The following CAMSAP1 variants were observed in gnomAD, a reference collection of about 807,000 sequenced individuals.
CAMSAP1 encodes calmodulin regulated spectrin associated protein 1.
In CAMSAP1, 58 loss-of-function variants were observed where a neutral mutation model predicts 143.5. The ratio of observed to expected loss-of-function variants is 0.40; its 90% confidence interval spans 0.33 to 0.50. The LOEUF (loss-of-function observed/expected upper bound fraction) is 0.50, where lower values mean the gene tolerates loss of function less well. Ranked by LOEUF, CAMSAP1 falls within the 20% of genes least tolerant of loss-of-function variation. The probability of loss-of-function intolerance (pLI) is 0.45; values close to 1 mark genes in which losing one functional copy is unlikely to be tolerated. For synonymous variants in CAMSAP1, 945 were observed against 859.3 expected, an observed-to-expected ratio of 1.10 and a Z score of -1.74; for missense variants, 1,969 against 2,115.7, an observed-to-expected ratio of 0.93 and a Z score of 1.36.
At chr9:135,878,787 T>C (rs1345648011) in intron 3 of CAMSAP1, among the ~76,000 whole-genome samples, 1 of 152,142 alleles carries the variant, frequency 6.6e-6, no homozygotes, top group Non-Finnish European at 1.5e-5. Context: ...CGGTATCGCA[T>C]CCTGCAGTGA....
chr9:135,822,145 T>C lies in CAMSAP1; in HGVS notation c.2516A>G (p.Lys839Arg). The change falls in exon 11 of 17, where the codon AAG (lysine) becomes AGG (arginine). Residue 839 changes from lysine (K) to arginine (R), a missense_variant. Coordinates refer to ENST00000389532, the MANE Select transcript of CAMSAP1 (RefSeq NM_015447.4). The surrounding 1 kb of genome is among the most constrained non-coding windows in gnomAD (Gnocchi z 6.1). ...GCTCTCAGACGCATCTGGCGTGGTC[T>C]TCTGGGAGCTGCTGGTGCTGGACTT... Reference protein sequence around the residue: ...ETKSSTSSSQKTTPDASESCP... With the variant: ...ETKSSTSSSQRTTPDASESCP... 1 of 1,613,408 alleles carries C rather than the reference T, an allele frequency of 6.2e-7. No individual in the cohort carries two copies. Among genetic ancestry groups the C allele is most frequent in the Non-Finnish European group, 8.5e-7 (1 of 1,179,878 alleles).
intron 1 of CAMSAP1, among the ~76,000 whole-genome samples, chr9:135,886,401 TGGA>T (rs1449950360): frequency 2.6e-4 from 39 of 151,870 alleles, no homozygotes. Context: ...GATGTGCAGG[TGGA>T]GAAGTTTCTT....
At chr9:135,886,487 T>A (rs1349984143) in intron 1 of CAMSAP1, among the ~76,000 whole-genome samples, 1 of 152,122 alleles carries the variant, frequency 6.6e-6, no homozygotes, top group African/African-American at 2.4e-5. Flanking sequence ...GTTAAGAGAA[T>A]TTCAGCAAGT....
chr9:135,818,886 G>A lies in CAMSAP1; in HGVS notation c.3959+124C>T, dbSNP rs919428133. ...AAGTTCGGGGAGGTGGTCCATGGGA[G>A]GAGTAAGACCGTCACAGGCACTCAT... is the stretch of plus-strand genomic sequence containing the variant. On this transcript the variant is annotated intron_variant, in intron 12 of 16. Transcript: ENST00000389532. The surrounding 1 kb of genome is among the most constrained non-coding windows in gnomAD (Gnocchi z 7.7). 50 of 1,413,312 alleles carry A rather than the reference G, an allele frequency of 3.5e-5. 1 individual carries two copies. Among genetic ancestry groups the A allele is most frequent in the South Asian group, 5.2e-5 (4 of 76,782 alleles). 87.5% of individuals were successfully genotyped at this position (1,413,312 alleles called of 1,614,324 possible).
chr9:135,829,793 C>T (rs1162428865), intron 7 of CAMSAP1, among the ~76,000 whole-genome samples: 1 of 151,944 alleles, frequency 6.6e-6, no homozygotes, highest in Non-Finnish European at 1.5e-5. Context: ...GCGGAGGTTG[C>T]AGCGAGCTGA....
rs1370627171 is a variant in CAMSAP1, at chr9:135,882,495, TG to T, written c.423+320del. Among the ~76,000 whole-genome samples, 7 of 152,188 alleles carry T rather than the reference TG, an allele frequency of 4.6e-5. No homozygotes were observed. Among genetic ancestry groups the T allele is most frequent in the African/African-American group, 1.7e-4 (7 of 41,454 alleles). ...GTATGCATGAAACAACCTAACAGAA[TG>T]GGTGCAACAATTACATTTCTCATCT... is the stretch of plus-strand genomic sequence containing the variant. On this transcript the variant is annotated intron_variant, in intron 2 of 16. Coordinates refer to ENST00000389532, the MANE Select transcript of CAMSAP1 (RefSeq NM_015447.4). The surrounding 1 kb of genome is among the most constrained non-coding windows in gnomAD (Gnocchi z 4.9).
At chr9:135,904,378 G>A (rs981733193) in intron 1 of CAMSAP1, among the ~76,000 whole-genome samples, 29 of 132,384 alleles carry the variant, frequency 2.2e-4, no homozygotes, top group African/African-American at 6.9e-4. Context: ...CAGCCTGGCC[G>A]ACAGAGCGAG....
At position 135,818,307 on chromosome 9, in the gene CAMSAP1, C is replaced by G; in HGVS notation, c.4168+101G>C. ...GGGATAATCATCTCCACCCTTCCCG[C>G]CTCACACCACTCTTGATGACAAAAT... On this transcript the variant is annotated intron_variant, in intron 13 of 16. Transcript: ENST00000389532. This position sits in a 1 kb window ranked among gnomAD's most constrained non-coding sequence, Gnocchi z 7.7. 1 of 1,312,186 alleles carries G rather than the reference C, an allele frequency of 7.6e-7. No homozygotes were observed. Among genetic ancestry groups the G allele is most frequent in the South Asian group, 1.4e-5 (1 of 70,082 alleles). The allele number at this position is 1,312,186 out of a possible 1,614,324, so 81.3% of individuals were successfully genotyped here. A position where few individuals can be genotyped will look rare whatever the true frequency, so the allele number is the denominator to read the frequency against.
chr9:135,830,790 T>TAA (rs1406141240), intron 7 of CAMSAP1, among the ~76,000 whole-genome samples: 1 of 152,250 alleles, frequency 6.6e-6, no homozygotes. Flanking sequence ...GATCATATGT[T>TAA]AAGTCATAAA....
At position 135,907,280 on chromosome 9, in the gene CAMSAP1, G is replaced by A. The variant is rs1838815057; in HGVS notation, c.-121C>T. 3.6e-6 allele frequency: 2 copies of A among 549,980 alleles called. No homozygotes were observed. Among genetic ancestry groups the A allele is most frequent in the Non-Finnish European group, 4.6e-6 (2 of 433,770 alleles). 34.1% of individuals were successfully genotyped at this position (549,980 alleles called of 1,614,324 possible). ...CCCCGCAGCCGGCCAGCCGGGAGGGGCGCCCGAGCGCGGCCCCCGCCTCAC... is the reference window on the plus strand; with the variant it reads ...CCCCGCAGCCGGCCAGCCGGGAGGGACGCCCGAGCGCGGCCCCCGCCTCAC... On this transcript the variant is annotated 5_prime_UTR_variant, in exon 1 of 17. Coordinates refer to ENST00000389532, the MANE Select transcript of CAMSAP1 (RefSeq NM_015447.4).
At chr9:135,896,762 G>C (rs901823791) in intron 1 of CAMSAP1, among the ~76,000 whole-genome samples, 1 of 152,214 alleles carries the variant, frequency 6.6e-6, no homozygotes, top group Non-Finnish European at 1.5e-5. Context: ...GCTGTGGTCT[G>C]AGTGTTTTCT....
chr9:135,853,673 G>C (rs980402468), intron 5 of CAMSAP1, among the ~76,000 whole-genome samples: 2 of 152,238 alleles, frequency 1.3e-5, no homozygotes, highest in Middle Eastern at 3.2e-3. Flanking sequence ...CATGACAAGA[G>C]AATGCTCATA....
intron 1 of CAMSAP1, among the ~76,000 whole-genome samples, chr9:135,895,409 A>G (rs1262739058): frequency 6.6e-6 from 1 of 152,258 alleles, no homozygotes; most frequent in Non-Finnish European, 1.5e-5. Context: ...TATGGAGGCC[A>G]GAGGGAAGTG....
Position 135,902,595 on chromosome 9 carries a change from T to C in CAMSAP1, c.160+4405A>G, listed in dbSNP as rs888619110. On this transcript the variant is annotated intron_variant, in intron 1 of 16. Transcript: ENST00000389532. ...GATTATAAAGGGATTTTGCTCATCATGTCAAGTTAGCAAACCGGAGTGTAA... is the reference window on the plus strand; with the variant it reads ...GATTATAAAGGGATTTTGCTCATCACGTCAAGTTAGCAAACCGGAGTGTAA... 4.6e-5 allele frequency among the ~76,000 whole-genome samples: 7 copies of C among 152,224 alleles called. No individual in the cohort carries two copies. The South Asian group carries it at 6.2e-4, about 14-fold the overall frequency.
Position 135,820,700 on chromosome 9 carries a change from C to T in CAMSAP1, c.3822+139G>A. The T allele has an allele frequency of 8.6e-7, 1 of 1,158,038 alleles. No homozygotes were observed. Among genetic ancestry groups the T allele is most frequent in the Non-Finnish European group, 1.2e-6 (1 of 833,062 alleles). 71.7% of individuals were successfully genotyped at this position (1,158,038 alleles called of 1,614,324 possible). On this transcript the variant is annotated intron_variant, in intron 11 of 16. Transcript: ENST00000389532. The surrounding 1 kb of genome is among the most constrained non-coding windows in gnomAD (Gnocchi z 4.4). ...CTCGGGACAGAGACTCTGTGGCCCA[C>T]AAAGCTAAACACACACATCCCCTGG...
chr9:135,885,075 G>A (rs1252578108), intron 1 of CAMSAP1, among the ~76,000 whole-genome samples: 2 of 152,198 alleles, frequency 1.3e-5, no homozygotes. Flanking sequence ...GGCTCTTGGA[G>A]GGAGCTGCCT....
At chr9:135,881,824 T>C (rs1184751328) in intron 2 of CAMSAP1, 30 bp from the exon 3 acceptor site, 6 of 1,549,398 alleles carry the variant, frequency 3.9e-6, no homozygotes, top group East Asian at 4.9e-5. Flanking sequence ...CTATAATCCC[T>C]CAAACCCACC....
rs1374624306 is a variant in CAMSAP1 at position 135,808,603 on chromosome 9, A to G, written c.*2706T>C. 1.3e-5 allele frequency: 2 copies of G among 152,242 alleles called. No individual in the cohort carries two copies. The highest frequency in any genetic ancestry group is 4.8e-5 in the African/African-American group (2 of 41,458). 9.4% of individuals were successfully genotyped at this position (152,242 alleles called of 1,614,324 possible). On this transcript the variant is annotated 3_prime_UTR_variant, in exon 17 of 17. Coordinates refer to ENST00000389532, the MANE Select transcript of CAMSAP1 (RefSeq NM_015447.4). The stretch of plus-strand genomic sequence containing the variant: ...TAATTTAGAATTATTCCACTTTTCA[A>G]TTTTGCCTGAGTGAAGAATACAGTT...
At chr9:135,865,557 G>A (rs936230201) in intron 4 of CAMSAP1, among the ~76,000 whole-genome samples, 5 of 152,316 alleles carry the variant, frequency 3.3e-5, no homozygotes, top group African/African-American at 7.2e-5. Flanking sequence ...GGAAGATCAC[G>A]AGTCACCTCC....
Sources: gnomAD v4.1 joint callset for allele counts (sites outside exome capture counted in the v4.1 genomes callset) on GRCh38, gnomAD v4.1.1 for gene constraint, Gnocchi (gnomAD v3.1) non-coding constraint, MANE v1.5 for transcripts, NCBI Gene and HGNC (gene_info 2026-07-23, HGNC 2026-07-21) for gene names.